Variants in NDST3 observed in about 807,000 individuals in gnomAD.
NDST3 encodes bifunctional heparan sulfate N-deacetylase/N-sulfotransferase 3.
NDST3 carries 58 observed loss-of-function variants against 96.1 expected under a neutral mutation model. The observed-to-expected ratio is 0.60, with a 90% CI of 0.49 to 0.75. The LOEUF is 0.75. NDST3 is among the 30% of genes least tolerant of loss of function. The pLI, the probability that NDST3 is intolerant of heterozygous loss-of-function variation, is 0.00. For missense variants in NDST3, 788 were observed against 1,034.2 expected (o/e 0.76, Z 3.27); for synonymous variants, 333 against 359.7 (o/e 0.93, Z 0.84).
At chr4:118,134,186 G>A (rs1732880162) in intron 4 of NDST3, among the ~76,000 whole-genome samples, 1 of 152,186 alleles carries the variant, frequency 6.6e-6, no homozygotes, top group South Asian at 2.1e-4. Context: ...AGATGCTGAG[G>A]TAGAAAAGTG....
At chr4:118,092,504 G>T (rs546425591) in intron 2 of NDST3, among the ~76,000 whole-genome samples, 2 of 151,728 alleles carry the variant, frequency 1.3e-5, no homozygotes, top group African/African-American at 4.8e-5. Flanking sequence ...TCCTTCTTGA[G>T]TCATTATCTT....
intron 2 of NDST3, among the ~76,000 whole-genome samples, chr4:118,086,721 T>C (rs1327381097): frequency 6.6e-6 from 1 of 152,172 alleles, no homozygotes; most frequent in Non-Finnish European, 1.5e-5. Context: ...AACTCATAAA[T>C]GCTATGCTTT....
intron 2 of NDST3, among the ~76,000 whole-genome samples, chr4:118,102,899 T>C (rs958487155): frequency 1.3e-5 from 2 of 152,130 alleles, no homozygotes; most frequent in Non-Finnish European, 2.9e-5. Context: ...TCAATGTATC[T>C]TTTATGTGTT....
intron 2 of NDST3, among the ~76,000 whole-genome samples, chr4:118,071,499 G>A (rs1727072345): frequency 2.0e-5 from 3 of 152,090 alleles, no homozygotes; most frequent in African/African-American, 4.8e-5. Flanking sequence ...ACTAATAAGT[G>A]AGAACATGCA....
At chr4:118,182,543 T>G (rs867229332) in intron 6 of NDST3, among the ~76,000 whole-genome samples, 21 of 152,130 alleles carry the variant, frequency 1.4e-4, no homozygotes, top group African/African-American at 4.8e-4. Context: ...GGAGTTTCCC[T>G]TTACTAACCA....
At chr4:118,139,778 C>A in intron 5 of NDST3, among the ~76,000 whole-genome samples, 1 of 152,158 alleles carries the variant, frequency 6.6e-6, no homozygotes, top group East Asian at 1.9e-4. Context: ...ATTCTATCCC[C>A]CTACCACCAC....
intron 4 of NDST3, among the ~76,000 whole-genome samples, chr4:118,129,787 G>A (rs1404372844): frequency 6.6e-6 from 1 of 151,972 alleles, no homozygotes; most frequent in East Asian, 1.9e-4. Flanking sequence ...GTGGAGTGTT[G>A]AAATCTCCAG....
intron 6 of NDST3, among the ~76,000 whole-genome samples, chr4:118,158,058 G>C (rs764942984): frequency 1.2e-4 from 18 of 152,074 alleles, no homozygotes; most frequent in Non-Finnish European, 1.6e-4. Context: ...CTGAGTTTTC[G>C]CCATAAAACG....
chr4:118,193,429 C>T lies in NDST3; in HGVS notation c.1540-31062C>T, dbSNP rs1191391108. The stretch of plus-strand genomic sequence containing the variant: ...GCTATGCTTCTGTCTCCACTTGAGA[C>T]TGGCTCTCTGTGGTGTTGCTCTTCT... On this transcript the variant is annotated intron_variant, in intron 6 of 13. Coordinates refer to ENST00000296499, the MANE Select transcript of NDST3 (RefSeq NM_004784.3). 8 of 681,456 alleles carry T rather than the reference C, an allele frequency of 1.2e-5. No homozygotes were observed. In the East Asian group the frequency reaches 2.4e-4, roughly 20 times the overall value. 42.2% of individuals were successfully genotyped at this position (681,456 alleles called of 1,614,324 possible). A position where few individuals can be genotyped will look rare whatever the true frequency, so the allele number is the denominator to read the frequency against.
chr4:118,065,533 G>C (rs1358224107), intron 2 of NDST3, among the ~76,000 whole-genome samples: 2 of 152,046 alleles, frequency 1.3e-5, no homozygotes, highest in East Asian at 1.9e-4. Flanking sequence ...CTAATATCAT[G>C]TTTCTAGAAG....
At chr4:118,073,131 T>C (rs1218764681) in intron 2 of NDST3, among the ~76,000 whole-genome samples, 1 of 152,158 alleles carries the variant, frequency 6.6e-6, no homozygotes, top group African/African-American at 2.4e-5. Flanking sequence ...GATTTGCTAA[T>C]ATTTTGTTGA....
chr4:118,174,867 C>A (rs1399357739), intron 6 of NDST3, among the ~76,000 whole-genome samples: 1 of 152,082 alleles, frequency 6.6e-6, no homozygotes, highest in African/African-American at 2.4e-5. Flanking sequence ...TCTGTGACTG[C>A]CTTCTTGCCT....
rs183740342 is a variant in NDST3 at position 118,041,342 on chromosome 4, T to G, written c.-156+6750T>G. Among the ~76,000 whole-genome samples, 10 of 152,314 alleles carry G rather than the reference T, an allele frequency of 6.6e-5. No individual in the cohort carries two copies. In the East Asian group the frequency reaches 1.9e-3, roughly 29 times the overall value. On this transcript the variant is annotated intron_variant, in intron 1 of 13. Transcript: ENST00000296499. ...GTACCTATGTAAATGTTTATTAATA[T>G]TAGCTGCATTACTATTGTTATTCTA...
At chr4:118,091,545 C>T (rs565289486) in intron 2 of NDST3, among the ~76,000 whole-genome samples, 2 of 151,742 alleles carry the variant, frequency 1.3e-5, no homozygotes, top group South Asian at 4.2e-4. Context: ...AGCTCTAAAT[C>T]CTTCTTTGTG....
chr4:118,168,677 A>C (rs540548675), intron 6 of NDST3, among the ~76,000 whole-genome samples: 1 of 152,292 alleles, frequency 6.6e-6, no homozygotes, highest in Admixed American at 6.5e-5. Flanking sequence ...GCACTCTCAT[A>C]TTCACTGCAG....
intron 6 of NDST3, among the ~76,000 whole-genome samples, chr4:118,176,682 A>G (rs909534021): frequency 1.3e-5 from 2 of 152,122 alleles, no homozygotes; most frequent in Admixed American, 6.6e-5. Context: ...TACATTAAGA[A>G]ATATTTATTA....
chr4:118,079,481 C>T (rs1727838467), intron 2 of NDST3, among the ~76,000 whole-genome samples: 1 of 152,068 alleles, frequency 6.6e-6, no homozygotes, highest in Non-Finnish European at 1.5e-5. Flanking sequence ...GAAACAGGCC[C>T]TATTATGAAA....
intron 6 of NDST3, among the ~76,000 whole-genome samples, chr4:118,170,221 A>C (rs1735843651): frequency 1.3e-5 from 2 of 152,148 alleles, no homozygotes; most frequent in African/African-American, 4.8e-5. Flanking sequence ...ACAGACAACA[A>C]TGAGGCAGTT....
intron 2 of NDST3, among the ~76,000 whole-genome samples, chr4:118,068,646 GATGATTCTA>G (rs1427074160): frequency 6.6e-6 from 1 of 152,084 alleles, no homozygotes; most frequent in Non-Finnish European, 1.5e-5. Context: ...AGATCACCTA[GATGATTCTA>G]ATGCAGGTAG....
Sources: gnomAD v4.1 joint callset for allele counts (sites outside exome capture counted in the v4.1 genomes callset) on GRCh38, gnomAD v4.1.1 for gene constraint, MANE v1.5 for transcripts, NCBI Gene and HGNC (gene_info 2026-07-23, HGNC 2026-07-21) for gene names.